DSG1: variants seen among roughly 807,000 people sequenced by gnomAD.
DSG1 encodes the protein desmoglein-1.
A neutral mutation model predicts 97.5 loss-of-function variants in DSG1; 39 were observed. The observed-to-expected ratio is 0.40, with a 90% CI of 0.31 to 0.52. DSG1 has a LOEUF of 0.52. Ranked by LOEUF, DSG1 falls within the 20% of genes least tolerant of loss-of-function variation. DSG1 has a pLI of 0.53. For missense variants in DSG1, 1,311 were observed against 1,295.4 expected (o/e 1.01, Z -0.18); for synonymous variants, 475 against 443.4 (o/e 1.07, Z -0.90).
At chr18:31,327,129 G>A (rs770069070) in intron 3 of DSG1, 124 bp downstream of exon 3, 1 of 1,284,454 alleles carries the variant, frequency 7.8e-7, no homozygotes, top group Non-Finnish European at 1.1e-6. Context: ...CAGAACTATA[G>A]TCACCTAGAT....
rs1486109586 is a variant in DSG1 at position 31,331,747 on chromosome 18, C to G, written c.564C>G (p.Asn188Lys). Reference sequence around the variant, plus strand: ...ATGCTACTGACGCAGATGAACCGAACAATTTGAACTCAAAAATAGCCTTCA... The same window carrying G: ...ATGCTACTGACGCAGATGAACCGAAGAATTTGAACTCAAAAATAGCCTTCA... ...ILNATDADEP[N>K]NLNSKIAFKI... Residue 188 changes from asparagine to lysine, a missense_variant, in exon 6 of 15, where the codon AAC (asparagine) becomes AAG (lysine). Physicochemically the swap from Asn to Lys is moderately conservative, Grantham distance 94. This residue lies in a region of DSG1 where 259 missense variants were observed against 304.1 expected (regional missense o/e 0.85). Coordinates refer to ENST00000257192, the MANE Select transcript of DSG1 (RefSeq NM_001942.4). 3 of 1,612,818 alleles carry G rather than the reference C, an allele frequency of 1.9e-6. No homozygotes were observed. The highest frequency in any genetic ancestry group is 2.5e-6 in the Non-Finnish European group (3 of 1,179,174).
intron 14 of DSG1, among the ~76,000 whole-genome samples, chr18:31,352,327 G>A (rs2071904658): frequency 6.6e-6 from 1 of 151,606 alleles, no homozygotes; most frequent in East Asian, 1.9e-4. Flanking sequence ...TAGGGTTTCT[G>A]CTGAGAGATC....
chr18:31,336,555 A>G lies in DSG1; in HGVS notation c.1207A>G (p.Lys403Glu), dbSNP rs368707672. Residue 403 changes from lysine (K) to glutamate (E), a missense_variant, in exon 9 of 15, where the codon AAA (lysine) becomes GAA (glutamate). Coordinates refer to ENST00000257192, the MANE Select transcript of DSG1 (RefSeq NM_001942.4). ...VVTGNMGSND[K>E]VGDFVATDLD... Reference sequence around the variant, plus strand: ...AACTGGTAATATGGGATCAAATGATAAAGTGGGAGACTTTGTAGCTACTGA... The same window carrying G: ...AACTGGTAATATGGGATCAAATGATGAAGTGGGAGACTTTGTAGCTACTGA... 4 of 1,613,978 alleles carry G rather than the reference A, an allele frequency of 2.5e-6. No homozygotes were observed. The highest frequency in any genetic ancestry group is 1.7e-6 in the Non-Finnish European group (2 of 1,179,962).
Position 31,334,179 on chromosome 18 carries a change from G to C in DSG1, c.982G>C (p.Val328Leu), listed in dbSNP as rs1308745238. ...FEIEMNERTN[V>L]GILKVVKPLD... ...GATAGAAATGAATGAAAGAACAAAT[G>C]TGGGAATTTTAAAGGTTGTTAAGGT... The change falls in exon 8 of 15, where the codon GTG (valine) becomes CTG (leucine). Residue 328 changes from valine to leucine, a missense_variant. Val to Leu is a conservative substitution (Grantham distance 32). This residue lies in a region of DSG1 where 1,038 missense variants were observed against 964.6 expected (regional missense o/e 1.08). Transcript: ENST00000257192. 6.2e-6 allele frequency: 10 copies of C among 1,604,972 alleles called. No individual in the cohort carries two copies. In the South Asian group the frequency reaches 9.9e-5, roughly 16 times the overall value.
At position 31,338,342 on chromosome 18, in the gene DSG1, C is replaced by A; in HGVS notation, c.1293C>A (p.Asp431Glu). 6.2e-7 allele frequency: 1 copy of A among 1,613,658 alleles called. No homozygotes were observed. Among genetic ancestry groups the A allele is most frequent in the Non-Finnish European group, 8.5e-7 (1 of 1,179,766 alleles). Reference sequence around the variant, plus strand: ...ATGTAATGGGAAATAATCCAGCTGACCTGCTAGCTGTTGATTCAAGAACAG... The same window carrying A: ...ATGTAATGGGAAATAATCCAGCTGAACTGCTAGCTGTTGATTCAAGAACAG... ...VRYVMGNNPA[D>E]LLAVDSRTGK... is the part of the protein sequence containing the mutation. The change falls in exon 10 of 15, where the codon GAC becomes GAA. Residue 431 changes from aspartate to glutamate, a missense_variant. Physicochemically the swap from Asp to Glu is conservative, Grantham distance 45. Coordinates refer to ENST00000257192, the MANE Select transcript of DSG1 (RefSeq NM_001942.4).
rs2071737403 is a variant in DSG1, at chr18:31,334,091, G to T, written c.894G>T (p.Glu298Asp). ...LEIRVIDLDE[E>D]FSANWMAVIF... ...TTAGAGTAATTGATTTGGATGAAGAGTTCTCAGCTAACTGGATGGCAGTAA... is the reference window on the plus strand; with the variant it reads ...TTAGAGTAATTGATTTGGATGAAGATTTCTCAGCTAACTGGATGGCAGTAA... The change falls in exon 8 of 15, where the codon GAG (glutamate) becomes GAT (aspartate). Residue 298 changes from glutamate (E) to aspartate (D), a missense_variant. Physicochemically the swap from Glu to Asp is conservative, Grantham distance 45. This residue lies in a region of DSG1 where 1,038 missense variants were observed against 964.6 expected (regional missense o/e 1.08). Coordinates refer to ENST00000257192, the MANE Select transcript of DSG1 (RefSeq NM_001942.4). The T allele has an allele frequency of 6.2e-7, 1 of 1,610,522 alleles. No homozygotes were observed. The highest frequency in any genetic ancestry group is 1.3e-5 in the African/African-American group (1 of 74,822).
At chr18:31,352,273 C>T (rs1185043904) in intron 14 of DSG1, among the ~76,000 whole-genome samples, 1,991 of 138,284 alleles carry the variant, frequency 0.014, 43 homozygotes, top group African/African-American at 0.055. Flanking sequence ...AAAATTCTTT[C>T]CTTTAAGAAT....
intron 12 of DSG1, 150 bp from the exon 13 acceptor site, chr18:31,343,776 G>T: frequency 5.2e-6 from 6 of 1,149,240 alleles, no homozygotes; most frequent in Non-Finnish European, 7.6e-6. Flanking sequence ...TCTAAGTGAA[G>T]TTCAAATTTT....
Position 31,354,746 on chromosome 18 carries a change from T to G in DSG1, c.2550T>G (p.Ser850=). ...SYTTSDTLKP[S]VHVHDNRPAS... ...CCACCTCTGACACTCTGAAGCCCTCTGTGCACGTTCACGATAACCGACCAG... is the reference window on the plus strand; with the variant it reads ...CCACCTCTGACACTCTGAAGCCCTCGGTGCACGTTCACGATAACCGACCAG... Residue 850 remains serine (S), a synonymous_variant, in exon 15 of 15, where the codon TCT becomes TCG. Coordinates refer to ENST00000257192, the MANE Select transcript of DSG1 (RefSeq NM_001942.4). 6.2e-7 allele frequency: 1 copy of G among 1,614,182 alleles called. No individual in the cohort carries two copies. Among genetic ancestry groups the G allele is most frequent in the Non-Finnish European group, 8.5e-7 (1 of 1,180,022 alleles).
chr18:31,348,279 C>A (rs957731666), intron 14 of DSG1, among the ~76,000 whole-genome samples: 2 of 151,004 alleles, frequency 1.3e-5, no homozygotes, highest in African/African-American at 4.9e-5. Context: ...TCATCCATGT[C>A]CCTACAAAGG....
At chr18:31,329,451 T>C (rs1568040709) in intron 4 of DSG1, among the ~76,000 whole-genome samples, 4 of 152,054 alleles carry the variant, frequency 2.6e-5, no homozygotes, top group South Asian at 2.1e-4. Context: ...TTCTCCCTTC[T>C]GTCCCACAAT....
chr18:31,351,093 C>G (rs2071892151), intron 14 of DSG1, among the ~76,000 whole-genome samples: 1 of 148,298 alleles, frequency 6.7e-6, no homozygotes, highest in Non-Finnish European at 1.5e-5. Context: ...CCTGCTTTCT[C>G]TTGTGGGCAT....
In DSG1 at chr18:31,338,394, A is replaced by G. The variant is rs141739883; in HGVS notation, c.1345A>G (p.Thr449Ala). The G allele has an allele frequency of 6.2e-7, 1 of 1,613,698 alleles. No individual in the cohort carries two copies. Among genetic ancestry groups the G allele is most frequent in the Non-Finnish European group, 8.5e-7 (1 of 1,179,798 alleles). Residue 449 changes from threonine (T) to alanine (A), a missense_variant, in exon 10 of 15, where the codon ACC becomes GCC. By Grantham distance (58) the Thr-to-Ala change is moderately conservative. Coordinates refer to ENST00000257192, the MANE Select transcript of DSG1 (RefSeq NM_001942.4). ...CAAACTCACTTTGAAAAATAAAGTT[A>G]CCAAGGAACAGTACAATATGCTCGG... is the stretch of plus-strand genomic sequence containing the variant. ...TGKLTLKNKV[T>A]KEQYNMLGGK...
chr18:31,330,250 G>A (rs1027612486), intron 5 of DSG1, among the ~76,000 whole-genome samples: 5 of 152,172 alleles, frequency 3.3e-5, no homozygotes, highest in African/African-American at 9.6e-5. Flanking sequence ...CACATAACTC[G>A]CAGGCCAGCC....
chr18:31,323,449 A>G (rs1445324250), intron 1 of DSG1, among the ~76,000 whole-genome samples: 4 of 152,008 alleles, frequency 2.6e-5, no homozygotes, highest in African/African-American at 9.7e-5. Context: ...CCCTTTCCTA[A>G]TTGATCGATT....
chr18:31,354,792 G>A lies in DSG1; in HGVS notation c.2596G>A (p.Glu866Lys), dbSNP rs1397362668. The change falls in exon 15 of 15, where the codon GAG (glutamate) becomes AAG (lysine). Residue 866 changes from glutamate to lysine, a missense_variant. Physicochemically the swap from Glu to Lys is moderately conservative, Grantham distance 56. This residue lies in a region of DSG1 where 1,038 missense variants were observed against 964.6 expected (regional missense o/e 1.08). Transcript: ENST00000257192. ...ACCAGCATCAAACGTGGTAGTGACA[G>A]AGAGAGTGGTCGGCCCAATCTCTGG... ...NRPASNVVVT[E>K]RVVGPISGAD... The A allele has an allele frequency of 2.5e-6, 4 of 1,614,080 alleles. No individual in the cohort carries two copies. Among genetic ancestry groups the A allele is most frequent in the African/African-American group, 2.7e-5 (2 of 74,922 alleles).
rs1321625956 is a variant in DSG1 at position 31,358,563 on chromosome 18, A to G, written c.*3217A>G. ...AAGTAGATGTTTTTAGTTATCTGGC[A>G]ATTTATTTCTGAATTTATACCAATG... On this transcript the variant is annotated 3_prime_UTR_variant, in exon 15 of 15. Transcript: ENST00000257192. 9.2e-5 allele frequency among the ~76,000 whole-genome samples: 14 copies of G among 151,956 alleles called. No homozygotes were observed. The highest frequency in any genetic ancestry group is 3.2e-3 in the Middle Eastern group (1 of 316).
chr18:31,336,852 C>G (rs2071758100), intron 9 of DSG1, among the ~76,000 whole-genome samples: 1 of 152,090 alleles, frequency 6.6e-6, no homozygotes, highest in African/African-American at 2.4e-5. Flanking sequence ...TAATATGTCT[C>G]AAAAGTATCG....
chr18:31,326,484 G>C, intron 1 of DSG1, 97 bp from the exon 2 acceptor site: 1 of 975,624 alleles, frequency 1.0e-6, no homozygotes, highest in Non-Finnish European at 1.6e-6. Context: ...TGACTCACAA[G>C]CCTATGGTTT....
Sources: gnomAD v4.1 joint callset for allele counts (sites outside exome capture counted in the v4.1 genomes callset) on GRCh38, gnomAD v4.1.1 for gene constraint, gnomAD v4.1.1 regional missense constraint, MANE v1.5 for transcripts, NCBI Gene and HGNC (gene_info 2026-07-23, HGNC 2026-07-21) for gene names.